Variants in PON1 observed in about 807,000 individuals in gnomAD.
PON1 encodes the protein serum paraoxonase/arylesterase 1.
PON1 carries 37 observed loss-of-function variants against 39.2 expected under a neutral mutation model. The ratio of observed to expected loss-of-function variants is 0.94; its 90% confidence interval spans 0.73 to 1.24. PON1 has a LOEUF of 1.24. Among genes scored for constraint, PON1 ranks in the 50% most tolerant of loss-of-function variants. PON1 has a pLI of 0.00. For missense variants in PON1, 397 were observed against 413.5 expected, an observed-to-expected ratio of 0.96 and a Z score of 0.35; for synonymous variants, 148 against 152.2, an observed-to-expected ratio of 0.97 and a Z score of 0.21.
chr7:95,323,878 C>A (rs575207976), intron 1 of PON1, among the ~76,000 whole-genome samples: 10 of 152,182 alleles, frequency 6.6e-5, no homozygotes, highest in Non-Finnish European at 1.3e-4. Context: ...CGCCTGCCCC[C>A]ACTGAAGCGA....
In PON1 at chr7:95,310,581, A is replaced by G. The variant is rs145129144; in HGVS notation, c.497+870T>C. 4.3e-4 allele frequency among the ~76,000 whole-genome samples: 65 copies of G among 152,282 alleles called. 1 individual carries two copies. The East Asian group carries it at 0.011, about 25-fold the overall frequency. Reference sequence around the variant, plus strand: ...CATCCAGTAACTCAATTTCTCTCCAATCTCATTTTCCTCATCCTCAAACCA... The same window carrying G: ...CATCCAGTAACTCAATTTCTCTCCAGTCTCATTTTCCTCATCCTCAAACCA... On this transcript the variant is annotated intron_variant, in intron 5 of 8. Transcript: ENST00000222381.
chr7:95,316,077 A>G (rs1011705308), intron 3 of PON1, among the ~76,000 whole-genome samples: 3 of 152,208 alleles, frequency 2.0e-5, no homozygotes, highest in Non-Finnish European at 2.9e-5. Context: ...TTTGTAAGAG[A>G]AAACTGGACT....
At chr7:95,308,349 A>C (rs1330070501) in intron 5 of PON1, 138 bp from the exon 6 acceptor site, 2 of 780,908 alleles carry the variant, frequency 2.6e-6, no homozygotes, top group Non-Finnish European at 4.3e-6. Flanking sequence ...AATGGAACAC[A>C]ATTAATATGA....
At chr7:95,321,221 C>A (rs1807889765) in intron 1 of PON1, among the ~76,000 whole-genome samples, 1 of 152,202 alleles carries the variant, frequency 6.6e-6, no homozygotes, top group Non-Finnish European at 1.5e-5. Context: ...AGGGATCCAT[C>A]TTCATGACCC....
chr7:95,300,719 C>T (rs1183848508), intron 8 of PON1, among the ~76,000 whole-genome samples: 3 of 152,300 alleles, frequency 2.0e-5, no homozygotes, highest in Admixed American at 6.5e-5. Context: ...AAACCAAGTC[C>T]ATGCTATAGC....
At chr7:95,311,332 G>T in intron 5 of PON1, 119 bp downstream of exon 5, 4 of 1,250,036 alleles carry the variant, frequency 3.2e-6, no homozygotes, top group South Asian at 1.2e-5. Flanking sequence ...GGAGGAGTTT[G>T]TGATCATTAG....
intron 7 of PON1, among the ~76,000 whole-genome samples, chr7:95,304,521 A>G (rs2237581): frequency 0.11 from 16,826 of 151,674 alleles, 1,251 homozygotes; most frequent in East Asian, 0.43. Flanking sequence ...TTTAGTAGAG[A>G]CGGGGTTTCA....
rs188443526 is a variant in PON1 at position 95,313,088 on chromosome 7, A to G, written c.371-1511T>C. On this transcript the variant is annotated intron_variant, in intron 4 of 8. Transcript: ENST00000222381. The stretch of plus-strand genomic sequence containing the variant: ...GGACCAAGAGGATGCCACTGGCAAT[A>G]AAAGGCAGGAAAGGTCATGAGAGGC... Among the ~76,000 whole-genome samples the G allele has an allele frequency of 6.6e-5, 10 of 152,356 alleles. No individual in the cohort carries two copies. The East Asian group carries it at 1.9e-3, about 29-fold the overall frequency.
chr7:95,311,444 T>A lies in PON1; in HGVS notation c.497+7A>T. The stretch of plus-strand genomic sequence containing the variant: ...AAGGAAAATAGAAATGTGATATATC[T>A]CAGTACTTAGGCAGAAGTTTATGTC... On this transcript the variant is annotated splice_region_variant and intron_variant, in intron 5 of 8. Transcript: ENST00000222381. 6.2e-7 allele frequency: 1 copy of A among 1,613,974 alleles called. No individual in the cohort carries two copies. The highest frequency in any genetic ancestry group is 8.5e-7 in the Non-Finnish European group (1 of 1,179,906).
intron 8 of PON1, among the ~76,000 whole-genome samples, chr7:95,299,661 T>C (rs1349025754): frequency 1.3e-5 from 2 of 152,086 alleles, no homozygotes; most frequent in African/African-American, 4.8e-5. Context: ...TACATCTTTC[T>C]CCCATGCTGA....
intron 1 of PON1, among the ~76,000 whole-genome samples, chr7:95,320,853 A>G (rs1480240510): frequency 6.6e-6 from 1 of 152,240 alleles, no homozygotes; most frequent in East Asian, 1.9e-4. Flanking sequence ...CTGATTCACT[A>G]GACTCTGAAC....
chr7:95,304,418 C>T (rs574820404), intron 7 of PON1, among the ~76,000 whole-genome samples: 27 of 150,808 alleles, frequency 1.8e-4, no homozygotes, highest in South Asian at 6.3e-4. Flanking sequence ...CTGCAACCTC[C>T]GCCTCCCAGG....
chr7:95,298,657 T>C lies in PON1; in HGVS notation c.*287A>G, dbSNP rs1807344251. ...GGTAAGTACTTTTGGGGTCACACAC[T>C]GTTATTTAATATCTGACAATTGACA... On this transcript the variant is annotated 3_prime_UTR_variant, in exon 9 of 9. Transcript: ENST00000222381. 2.1e-6 allele frequency: 1 copy of C among 472,712 alleles called. No homozygotes were observed. The highest frequency in any genetic ancestry group is 4.3e-5 in the East Asian group (1 of 23,522). 29.3% of individuals were successfully genotyped at this position (472,712 alleles called of 1,614,324 possible). A position where few individuals can be genotyped will look rare whatever the true frequency, so the allele number is the denominator to read the frequency against.
At position 95,298,488 on chromosome 7, in the gene PON1, G is replaced by A. The variant is rs1807338315; in HGVS notation, c.*456C>T. 7.7e-6 allele frequency: 2 copies of A among 260,926 alleles called. No homozygotes were observed. The highest frequency in any genetic ancestry group is 4.4e-5 in the African/African-American group (2 of 45,332). The allele number at this position is 260,926 out of a possible 1,614,324, so 16.2% of individuals were successfully genotyped here. A position where few individuals can be genotyped will look rare whatever the true frequency, so the allele number is the denominator to read the frequency against. ...TAGAGGGGAACTTCATAATGCATAT[G>A]TTTTCTGGCCTGTGAACTGGAGTCC... is the stretch of plus-strand genomic sequence containing the variant. On this transcript the variant is annotated 3_prime_UTR_variant, in exon 9 of 9. Coordinates refer to ENST00000222381, the MANE Select transcript of PON1 (RefSeq NM_000446.7).
chr7:95,314,468 C>T (rs1360548239), intron 4 of PON1, among the ~76,000 whole-genome samples: 2 of 152,044 alleles, frequency 1.3e-5, no homozygotes, highest in Non-Finnish European at 2.9e-5. Context: ...AGGAACATCA[C>T]TGATGATTCT....
At chr7:95,323,869 G>A (rs968606573) in intron 1 of PON1, among the ~76,000 whole-genome samples, 2 of 152,112 alleles carry the variant, frequency 1.3e-5, no homozygotes, top group African/African-American at 2.4e-5. Context: ...CCTCTTCCCC[G>A]CCTGCCCCCA....
intron 1 of PON1, among the ~76,000 whole-genome samples, chr7:95,319,002 A>C (rs1047587507): frequency 1.8e-4 from 27 of 152,226 alleles, no homozygotes; most frequent in African/African-American, 5.3e-4. Context: ...GTCTGAGTAA[A>C]GGACAAAGGA....
intron 8 of PON1, among the ~76,000 whole-genome samples, chr7:95,300,634 T>C (rs1004555299): frequency 2.0e-5 from 3 of 152,200 alleles, no homozygotes; most frequent in Admixed American, 1.3e-4. Context: ...GTGCATTGGA[T>C]AAGGAATTGT....
intron 6 of PON1, 77 bp downstream of exon 6, chr7:95,307,934 A>T: frequency 7.5e-7 from 1 of 1,330,692 alleles, no homozygotes; most frequent in Non-Finnish European, 1.1e-6. Flanking sequence ...GTATCATATT[A>T]CTTAAAAAAA....
Sources: gnomAD v4.1 joint callset for allele counts (sites outside exome capture counted in the v4.1 genomes callset) on GRCh38, gnomAD v4.1.1 for gene constraint, MANE v1.5 for transcripts, NCBI Gene and HGNC (gene_info 2026-07-23, HGNC 2026-07-21) for gene names.